Variants in KCNQ1 observed in about 807,000 individuals in gnomAD.
The protein encoded by KCNQ1 is potassium voltage-gated channel subfamily KQT member 1.
In KCNQ1, 49 loss-of-function variants were observed where a neutral mutation model predicts 72.4. The ratio of observed to expected loss-of-function variants is 0.68; its 90% CI spans 0.54 to 0.86. The LOEUF is 0.86. KCNQ1 is among the 40% of genes least tolerant of loss of function. The probability of loss-of-function intolerance (pLI) is 0.00; values close to 1 mark genes in which losing one functional copy is unlikely to be tolerated. For synonymous variants in KCNQ1, 450 were observed against 412.6 expected (o/e 1.09, Z -1.10); for missense variants, 790 against 945.1 (o/e 0.84, Z 2.15).
Position 2,562,896 on chromosome 11 carries a change from C to T in KCNQ1, c.478-7732C>T, listed in dbSNP as rs1242394428. 6.6e-6 allele frequency among the ~76,000 whole-genome samples: 1 copy of T among 152,272 alleles called. No individual in the cohort carries two copies. Among genetic ancestry groups the T allele is most frequent in the East Asian group, 1.9e-4 (1 of 5,190 alleles). ...TAAAATTAATTTTCCTTTAAAGATA[C>T]TGTAGAGCAGTAACATCAGAGACAC... On this transcript the variant is annotated intron_variant, in intron 2 of 15. Transcript: ENST00000155840. This position sits in a 1 kb window ranked among gnomAD's most constrained non-coding sequence, Gnocchi z 7.5.
At chr11:2,510,477 C>T (rs1168587955) in intron 1 of KCNQ1, among the ~76,000 whole-genome samples, 6 of 151,916 alleles carry the variant, frequency 3.9e-5, no homozygotes, top group African/African-American at 1.5e-4. Flanking sequence ...TGTGGTGGCT[C>T]ACATCTGTAG....
In KCNQ1 at chr11:2,695,493, T is replaced by C; in HGVS notation, c.1514+33412T>C. ...GCGTCTCTATCTTGTGAAGTGTACA[T>C]CTAGTCCCCTGCTCCTAACCACAGT... On this transcript the variant is annotated intron_variant, in intron 11 of 15. Coordinates refer to ENST00000155840, the MANE Select transcript of KCNQ1 (RefSeq NM_000218.3). The surrounding 1 kb of genome is among the most constrained non-coding windows in gnomAD (Gnocchi z 5.2). 1 of 398,660 alleles carries C rather than the reference T, an allele frequency of 2.5e-6. No homozygotes were observed. The highest frequency in any genetic ancestry group is 4.4e-6 in the Non-Finnish European group (1 of 226,118). 24.7% of individuals were successfully genotyped at this position (398,660 alleles called of 1,614,324 possible).
rs116518631 is a variant in KCNQ1 at position 2,790,418 on chromosome 11, A to G, written c.1794+12381A>G. On this transcript the variant is annotated intron_variant, in intron 15 of 15. Coordinates refer to ENST00000155840, the MANE Select transcript of KCNQ1 (RefSeq NM_000218.3). ...CTCACTTTGTCACTCTTGGTTACCC[A>G]TGGGACCCTGAACCCCATAGGAGGG... Among the ~76,000 whole-genome samples, 409 of 152,236 alleles carry G rather than the reference A, an allele frequency of 2.7e-3. 2 individuals are homozygous for G. Among genetic ancestry groups the G allele is most frequent in the African/African-American group, 9.5e-3 (393 of 41,550 alleles).
At chr11:2,792,725 G>T (rs887401635) in intron 15 of KCNQ1, among the ~76,000 whole-genome samples, 2 of 152,226 alleles carry the variant, frequency 1.3e-5, no homozygotes, top group Admixed American at 6.5e-5. Flanking sequence ...GAGCCTGGGG[G>T]CGCAGACCAC....
chr11:2,500,274 G>T (rs1273345586), intron 1 of KCNQ1, among the ~76,000 whole-genome samples: 1 of 152,172 alleles, frequency 6.6e-6, no homozygotes, highest in East Asian at 1.9e-4. Flanking sequence ...ATATGAAAAT[G>T]TGCTCATCAT....
rs1590024180 is a variant in KCNQ1, at chr11:2,674,874, C to T, written c.1514+12793C>T. ...AAAAAAAAAAAAGCTCACTGGGCAC[C>T]TTGGCTGCAGGGTCTGAAAAGTCCT... On this transcript the variant is annotated intron_variant, in intron 11 of 15. Transcript: ENST00000155840. This position sits in a 1 kb window ranked among gnomAD's most constrained non-coding sequence, Gnocchi z 5.9. 1.0e-5 allele frequency: 4 copies of T among 396,496 alleles called. No homozygotes were observed. The highest frequency in any genetic ancestry group is 1.3e-4 in the South Asian group (1 of 7,754). 24.6% of individuals were successfully genotyped at this position (396,496 alleles called of 1,614,324 possible).
intron 7 of KCNQ1, among the ~76,000 whole-genome samples, chr11:2,584,645 G>T (rs1291395748): frequency 6.6e-6 from 1 of 151,872 alleles, no homozygotes; most frequent in African/African-American, 2.4e-5. Context: ...GTGTTAGTGT[G>T]TTTTTGTGTG....
intron 1 of KCNQ1, among the ~76,000 whole-genome samples, chr11:2,522,959 G>A (rs183214055): frequency 1.2e-3 from 186 of 152,326 alleles, no homozygotes; most frequent in African/African-American, 3.8e-3. Context: ...CTCCCGCAAC[G>A]CCCAGTCAAG....
In KCNQ1 at chr11:2,764,631, G is replaced by A. The variant is rs1192679575; in HGVS notation, c.1515-4213G>A. On this transcript the variant is annotated intron_variant, in intron 11 of 15. Transcript: ENST00000155840. The surrounding 1 kb of genome is among the most constrained non-coding windows in gnomAD (Gnocchi z 4.8). Reference sequence around the variant, plus strand: ...AAGAATTTACTGGTGATGTCGTCTAGATACAGAGTTTTCTTTGCCAGAAGA... The same window carrying A: ...AAGAATTTACTGGTGATGTCGTCTAAATACAGAGTTTTCTTTGCCAGAAGA... Among the ~76,000 whole-genome samples, 1 of 152,096 alleles carries A rather than the reference G, an allele frequency of 6.6e-6. No homozygotes were observed. The highest frequency in any genetic ancestry group is 2.4e-5 in the African/African-American group (1 of 41,384).
intron 14 of KCNQ1, chr11:2,777,429 G>C: frequency 3.7e-6 from 2 of 539,478 alleles, no homozygotes; most frequent in Non-Finnish European, 6.5e-6. Context: ...AGTTGAGAGG[G>C]ACAGAAGCAC....
chr11:2,573,160 G>A (rs1305174996), intron 6 of KCNQ1, among the ~76,000 whole-genome samples, 174 bp downstream of exon 6: 3 of 152,172 alleles, frequency 2.0e-5, no homozygotes, highest in Admixed American at 6.5e-5. Context: ...AGGTCCCCAC[G>A]CTCAGTGTTG....
At chr11:2,578,948 C>T (rs892565738) in intron 6 of KCNQ1, among the ~76,000 whole-genome samples, 14 of 152,338 alleles carry the variant, frequency 9.2e-5, no homozygotes, top group African/African-American at 3.1e-4. Context: ...TTTCCTCCTT[C>T]GTAGATGATC....
Position 2,445,208 on chromosome 11 carries a change from C to T in KCNQ1, c.110C>T (p.Ser37Leu). ...GGCCTGGCCAAGAAGTGCCCCTTCT[C>T]GCTGGAGCTGGCGGAGGGCGGCCCG... is the stretch of plus-strand genomic sequence containing the variant. ...SAGLAKKCPF[S>L]LELAEGGPAG... The change falls in exon 1 of 16, where the codon TCG becomes TTG. Residue 37 changes from serine (S) to leucine (L), a missense_variant. This residue lies in a region of KCNQ1 where 294 missense variants were observed against 323.3 expected (regional missense o/e 0.91). Transcript: ENST00000155840. 1 of 1,144,904 alleles carries T rather than the reference C, an allele frequency of 8.7e-7. No homozygotes were observed. The highest frequency in any genetic ancestry group is 5.4e-5 in the East Asian group (1 of 18,366). 70.9% of individuals were successfully genotyped at this position (1,144,904 alleles called of 1,614,324 possible). A position where few individuals can be genotyped will look rare whatever the true frequency, so the allele number is the denominator to read the frequency against.
chr11:2,731,722 G>A (rs1845861688), intron 11 of KCNQ1, among the ~76,000 whole-genome samples: 1 of 152,226 alleles, frequency 6.6e-6, no homozygotes, highest in Non-Finnish European at 1.5e-5. Context: ...CAAGGGAGGG[G>A]AGGGCTGGTC....
chr11:2,803,842 G>A lies in KCNQ1; in HGVS notation c.1794+25805G>A, dbSNP rs943377670. Among the ~76,000 whole-genome samples the A allele has an allele frequency of 6.6e-6, 1 of 151,972 alleles. No homozygotes were observed. Among genetic ancestry groups the A allele is most frequent in the African/African-American group, 2.4e-5 (1 of 41,350 alleles). On this transcript the variant is annotated intron_variant, in intron 15 of 15. Coordinates refer to ENST00000155840, the MANE Select transcript of KCNQ1 (RefSeq NM_000218.3). This position sits in a 1 kb window ranked among gnomAD's most constrained non-coding sequence, Gnocchi z 6.4. ...CCCTGCTATGCCCATGGACCCCAGG[G>A]TCAGCTTTTATGCACACTCAGGTAC... is the stretch of plus-strand genomic sequence containing the variant.
At chr11:2,518,838 T>C (rs973402163) in intron 1 of KCNQ1, among the ~76,000 whole-genome samples, 1 of 152,152 alleles carries the variant, frequency 6.6e-6, no homozygotes. Context: ...GTAAAGAGTA[T>C]AAGACAGCGT....
rs1846892473 is a variant in KCNQ1 at position 2,495,311 on chromosome 11, A to G, written c.387-32617A>G. Among the ~76,000 whole-genome samples the G allele has an allele frequency of 6.6e-6, 1 of 151,878 alleles. No individual in the cohort carries two copies. The highest frequency in any genetic ancestry group is 2.4e-5 in the African/African-American group (1 of 41,356). ...CTCCTGGATTCATTGATTTTTTTGG[A>G]AGGGTTTTTCATGTCTCTATCTCCT... On this transcript the variant is annotated intron_variant, in intron 1 of 15. Coordinates refer to ENST00000155840, the MANE Select transcript of KCNQ1 (RefSeq NM_000218.3). This position sits in a 1 kb window ranked among gnomAD's most constrained non-coding sequence, Gnocchi z 4.6.
chr11:2,469,772 C>A (rs1846414932), intron 1 of KCNQ1, among the ~76,000 whole-genome samples: 1 of 152,150 alleles, frequency 6.6e-6, no homozygotes. Flanking sequence ...CTTCCGGGTT[C>A]ATGCCATTCT....
At chr11:2,842,033 T>C (rs1470517449) in intron 15 of KCNQ1, among the ~76,000 whole-genome samples, 4 of 152,160 alleles carry the variant, frequency 2.6e-5, no homozygotes, top group African/African-American at 9.7e-5. Flanking sequence ...TAACCGACCA[T>C]GAGCGGTGTG....
Sources: allele counts gnomAD v4.1 joint callset (sites outside exome capture counted in the v4.1 genomes callset), GRCh38; gene constraint gnomAD v4.1.1; regional missense constraint gnomAD v4.1.1; non-coding constraint Gnocchi (gnomAD v3.1); transcripts MANE v1.5; gene names NCBI Gene and HGNC (gene_info 2026-07-23, HGNC 2026-07-21).